Variants in BAX observed in about 807,000 individuals in gnomAD.
The protein encoded by BAX is apoptosis regulator BAX.
Under a neutral mutation model 26.8 loss-of-function variants are expected in BAX, and 21 were observed. The observed-to-expected ratio is 0.78, with a 90% CI of 0.56 to 1.13. The LOEUF (loss-of-function observed/expected upper bound fraction) is 1.13. BAX is among the 50% of genes most tolerant of loss of function. BAX has a pLI of 0.00. For synonymous variants in BAX, 110 were observed against 101.8 expected, an observed-to-expected ratio of 1.08 and a Z score of -0.49; for missense variants, 236 against 254.6, an observed-to-expected ratio of 0.93 and a Z score of 0.50.
intron 4 of BAX, among the ~76,000 whole-genome samples, chr19:48,957,312 T>C (rs1433910576): frequency 7.1e-6 from 1 of 141,032 alleles, no homozygotes; most frequent in Non-Finnish European, 1.5e-5. Context: ...TCTCACTTTG[T>C]TGCCCAGGCT....
At chr19:48,956,123 G>T in intron 3 of BAX, 75 bp from the exon 4 acceptor site, 1 of 1,435,922 alleles carries the variant, frequency 7.0e-7, no homozygotes, top group South Asian at 1.5e-5. Flanking sequence ...TATCTTTAGT[G>T]TGCGGTGGAT....
chr19:48,955,005 C>T (rs4645881), intron 1 of BAX, 43 bp downstream of exon 1: 1,035,943 of 1,239,394 alleles, frequency 0.84, 435,133 homozygotes, highest in South Asian at 0.86. Context: ...CGAGCCCCCT[C>T]GCCGGCCCGT....
rs2038330314 is a variant in BAX, at chr19:48,960,907, G to A, written c.467G>A (p.Gly156Asp). ...ERLLGWIQDQ[G>D]GWDGLLSYFG... ...CTGTTGGGCTGGATCCAAGACCAGG[G>A]TGGTTGGGTGAGACTCCTCAAGCCT... The change falls in exon 5 of 6, where the codon GGT becomes GAT. Residue 156 changes from glycine to aspartate, a missense_variant. By Grantham distance (94) the Gly-to-Asp change is moderately conservative (BLOSUM62 -1). Coordinates refer to ENST00000345358, the MANE Select transcript of BAX (RefSeq NM_138761.4). 1 of 1,613,992 alleles carries A rather than the reference G, an allele frequency of 6.2e-7. No individual in the cohort carries two copies. Among genetic ancestry groups the A allele is most frequent in the Non-Finnish European group, 8.5e-7 (1 of 1,179,984 alleles).
intron 4 of BAX, among the ~76,000 whole-genome samples, chr19:48,956,872 A>G (rs1013620255): frequency 4.0e-5 from 5 of 123,504 alleles, no homozygotes; most frequent in Non-Finnish European, 7.9e-5. Context: ...GGGTTTCACC[A>G]TGTTGGTCAG....
intron 4 of BAX, among the ~76,000 whole-genome samples, chr19:48,957,954 T>G (rs1010103): frequency 0.81 from 123,295 of 151,962 alleles, 50,819 homozygotes; most frequent in East Asian, 0.95. Flanking sequence ...GGGGTGGTGG[T>G]GAAATGCTCC....
chr19:48,957,265 CTTTT>C (rs61415800), intron 4 of BAX, among the ~76,000 whole-genome samples: 7 of 54,944 alleles, frequency 1.3e-4, no homozygotes, highest in African/African-American at 3.1e-4. Flanking sequence ...TTTTTCTTTT[CTTTT>C]TTTTTTTTTT....
At chr19:48,960,466 C>G (rs1290941430) in intron 4 of BAX, 2 of 336,176 alleles carry the variant, frequency 5.9e-6, no homozygotes, top group South Asian at 4.9e-5. Context: ...CGGGTTCAAG[C>G]AATTCTCCTG....
At chr19:48,959,512 TAAAAAA>T (rs199697807) in intron 4 of BAX, among the ~76,000 whole-genome samples, 1 of 131,662 alleles carries the variant, frequency 7.6e-6, no homozygotes. Flanking sequence ...TTTAAAAAAT[TAAAAAA>T]AAAAAAAAAA....
chr19:48,961,448 C>T, intron 5 of BAX, 84 bp from the exon 6 acceptor site: 23 of 1,326,904 alleles, frequency 1.7e-5, no homozygotes, highest in Non-Finnish European at 2.3e-5. Context: ...GCCTTCTGGC[C>T]TCCTCCGTCC....
chr19:48,961,483 G>A, intron 5 of BAX, 49 bp from the exon 6 acceptor site: 1 of 1,498,676 alleles, frequency 6.7e-7, no homozygotes, highest in South Asian at 1.2e-5. Flanking sequence ...GCCTGCCCAG[G>A]GGCTGCCCCT....
chr19:48,961,258 T>A, intron 5 of BAX: 1 of 1,433,542 alleles, frequency 7.0e-7, no homozygotes, highest in Non-Finnish European at 9.1e-7. Flanking sequence ...TCCTTTTTTT[T>A]TTTTTCCCCA....
intron 4 of BAX, among the ~76,000 whole-genome samples, 179 bp downstream of exon 4, chr19:48,956,512 GC>G (rs2038139424): frequency 1.3e-5 from 2 of 152,174 alleles, no homozygotes; most frequent in Non-Finnish European, 2.9e-5. Flanking sequence ...TACTGGACCT[GC>G]TATGTGCCAG....
rs765985987 is a variant in BAX at position 48,956,317 on chromosome 19, G to C, written c.353G>C (p.Ser118Thr). ...GRVVALFYFA[S>T]KLVLKALCTK... ...GTTGTCGCCCTTTTCTACTTTGCCA[G>C]CAAACTGGTGCTCAAGGTGGGCAGC... The change falls in exon 4 of 6, where the codon AGC becomes ACC. Residue 118 changes from serine to threonine, a missense_variant. Physicochemically the swap from Ser to Thr is moderately conservative, Grantham distance 58. Transcript: ENST00000345358. 6.4e-7 allele frequency: 1 copy of C among 1,571,938 alleles called. No homozygotes were observed. The highest frequency in any genetic ancestry group is 1.9e-5 in the Admixed American group (1 of 52,766).
chr19:48,955,507 C>T (rs757323608), intron 1 of BAX, 41 bp from the exon 2 acceptor site: 1 of 1,595,192 alleles, frequency 6.3e-7, no homozygotes, highest in Non-Finnish European at 8.5e-7. Context: ...TCCCCTAGAA[C>T]CCAAGAGTCC....
intron 4 of BAX, among the ~76,000 whole-genome samples, chr19:48,958,060 A>C (rs1254292532): frequency 6.6e-6 from 1 of 150,506 alleles, no homozygotes; most frequent in Non-Finnish European, 1.5e-5. Context: ...AAAGATGACA[A>C]GCCCTGGTGG....
intron 4 of BAX, among the ~76,000 whole-genome samples, chr19:48,956,950 G>T (rs973577758): frequency 9.3e-5 from 14 of 150,674 alleles, no homozygotes; most frequent in Non-Finnish European, 1.6e-4. Flanking sequence ...GGGATTACAG[G>T]CATGAGCCAC....
In BAX at chr19:48,956,210, C is replaced by T. The variant is rs370634054; in HGVS notation, c.246C>T (p.Ala82=). 7.8e-6 allele frequency: 12 copies of T among 1,543,152 alleles called. No homozygotes were observed. The African/African-American group carries it at 8.5e-5, about 11-fold the overall frequency. Residue 82 remains alanine, a synonymous_variant, in exon 4 of 6, where the codon GCC becomes GCT. Transcript: ENST00000345358. ...SNMELQRMIA[A]VDTDSPREVF... ...CTCTCTCCTGCAGGATGATTGCCGCCGTGGACACAGACTCCCCCCGAGAGG... is the reference window on the plus strand; with the variant it reads ...CTCTCTCCTGCAGGATGATTGCCGCTGTGGACACAGACTCCCCCCGAGAGG...
At chr19:48,956,171 C>T (rs1477959450) in intron 3 of BAX, 27 bp from the exon 4 acceptor site, 11 of 1,489,242 alleles carry the variant, frequency 7.4e-6, no homozygotes, top group East Asian at 5.1e-5. Context: ...GCCTGCTCCC[C>T]GGCACTGGTT....
chr19:48,960,936 C>T (rs1313592371), intron 5 of BAX, 22 bp downstream of exon 5: 1 of 1,613,344 alleles, frequency 6.2e-7, no homozygotes, highest in African/African-American at 1.3e-5. Context: ...CAAGCCTCCT[C>T]ACCCCCACCA....
Sources: allele counts gnomAD v4.1 joint callset (sites outside exome capture counted in the v4.1 genomes callset), GRCh38; gene constraint gnomAD v4.1.1; transcripts MANE v1.5; gene names NCBI Gene and HGNC (gene_info 2026-07-23, HGNC 2026-07-21).